Variants in KIF3A observed in about 807,000 individuals in gnomAD.
The protein encoded by KIF3A is kinesin family member 3A.
KIF3A carries 27 observed loss-of-function variants against 92.6 expected under a neutral mutation model. The observed-to-expected ratio is 0.29, with a 90% CI of 0.21 to 0.40. KIF3A has a LOEUF of 0.40. Among genes scored for constraint, KIF3A ranks in the 10% least tolerant of loss-of-function variants. The pLI, the probability that KIF3A is intolerant of heterozygous loss-of-function variation, is 1.00. For synonymous variants in KIF3A, 250 were observed against 275.4 expected, an observed-to-expected ratio of 0.91 and a Z score of 0.92; for missense variants, 581 against 872.6, an observed-to-expected ratio of 0.67 and a Z score of 4.21.
At chr5:132,728,350 G>A (rs1754107560) in intron 2 of KIF3A, among the ~76,000 whole-genome samples, 1 of 152,062 alleles carries the variant, frequency 6.6e-6, no homozygotes, top group Admixed American at 6.6e-5. Context: ...GGGATTACAG[G>A]TGCACCTCCC....
chr5:132,724,807 A>AAAAAAT (rs1554107349), intron 4 of KIF3A, among the ~76,000 whole-genome samples: 2,100 of 29,320 alleles, frequency 0.072, 187 homozygotes, highest in East Asian at 0.24. Context: ...AAAAAAAAAA[A>AAAAAAT]TATATATATA....
In KIF3A at chr5:132,702,512, A is replaced by T. The variant is rs776623960; in HGVS notation, c.1758+46T>A. On this transcript the variant is annotated intron_variant, in intron 14 of 18. Coordinates refer to ENST00000403231, the MANE Select transcript of KIF3A (RefSeq NM_001300791.2). ...ATTCTTAATCAAAGAACTCCCTTTTAAAAAATCCAGAACTGCATTAGTAGG... is the reference window on the plus strand; with the variant it reads ...ATTCTTAATCAAAGAACTCCCTTTTTAAAAATCCAGAACTGCATTAGTAGG... The T allele has an allele frequency of 3.6e-6, 4 of 1,112,730 alleles. No individual in the cohort carries two copies. The African/African-American group carries it at 4.7e-5, about 13-fold the overall frequency. The allele number at this position is 1,112,730 out of a possible 1,614,324, so 68.9% of individuals were successfully genotyped here. A position where few individuals can be genotyped will look rare whatever the true frequency, so the allele number is the denominator to read the frequency against.
intron 11 of KIF3A, among the ~76,000 whole-genome samples, chr5:132,704,567 A>C (rs566069018): frequency 6.6e-6 from 1 of 152,078 alleles, no homozygotes; most frequent in East Asian, 1.9e-4. Flanking sequence ...AGAAAATAAA[A>C]CTAGCTTATT....
chr5:132,725,361 T>C (rs1333706555), intron 4 of KIF3A, among the ~76,000 whole-genome samples: 1 of 152,172 alleles, frequency 6.6e-6, no homozygotes, highest in East Asian at 1.9e-4. Context: ...AAGCTAATAT[T>C]TATTATGTCA....
chr5:132,700,082 A>C, intron 17 of KIF3A, 134 bp downstream of exon 17: 1 of 617,002 alleles, frequency 1.6e-6, no homozygotes, highest in Non-Finnish European at 2.8e-6. Context: ...CTTTATTCCC[A>C]AAAGTATCAG....
At position 132,696,043 on chromosome 5, in the gene KIF3A, C is replaced by T. The variant is rs570965845; in HGVS notation, c.*591G>A. ...CAACTTGTTAAAAAACATGTATACT[C>T]GCAAAGACTGTTAAATTATAACATT... is the stretch of plus-strand genomic sequence containing the variant. On this transcript the variant is annotated 3_prime_UTR_variant, in exon 19 of 19. Transcript: ENST00000403231. 7.9e-5 allele frequency: 12 copies of T among 152,778 alleles called. No homozygotes were observed. Among genetic ancestry groups the T allele is most frequent in the African/African-American group, 2.4e-4 (10 of 41,550 alleles). The allele number at this position is 152,778 out of a possible 1,614,324, so 9.5% of individuals were successfully genotyped here.
intron 2 of KIF3A, among the ~76,000 whole-genome samples, chr5:132,732,829 A>C (rs1232110665): frequency 2.0e-5 from 3 of 152,112 alleles, no homozygotes; most frequent in African/African-American, 7.2e-5. Flanking sequence ...GAATCGCTTG[A>C]ACCCAGGAGG....
chr5:132,716,197 C>T (rs1468504884), intron 7 of KIF3A, 48 bp downstream of exon 7: 2 of 1,421,134 alleles, frequency 1.4e-6, no homozygotes, highest in Admixed American at 3.6e-5. Context: ...GCATAAATTA[C>T]AATCTTAAAT....
At chr5:132,721,450 A>C (rs1753819451) in intron 4 of KIF3A, 1 of 152,192 alleles carries the variant, frequency 6.6e-6, no homozygotes, top group Admixed American at 6.5e-5. Context: ...TAAAAAGTGA[A>C]ACTGAGGCAG....
Position 132,703,011 on chromosome 5 carries a change from A to C in KIF3A, c.1521T>G (p.Ile507Met). ...TGGCCAACAAGTCAACCCCACCAACAATTACCTTCTTTTCCAGGGCAGATA... is the reference window on the plus strand; with the variant it reads ...TGGCCAACAAGTCAACCCCACCAACCATTACCTTCTTTTCCAGGGCAGATA... ...EKLSALEKKV[I>M]VGGVDLLAKA... The change falls in exon 13 of 19, where the codon ATT becomes ATG. Residue 507 changes from isoleucine (I) to methionine (M), a missense_variant. Around this residue, in one of 5 missense-constraint regions of KIF3A, gnomAD observed 167 missense variants for 205.8 expected, o/e 0.81. Coordinates refer to ENST00000403231, the MANE Select transcript of KIF3A (RefSeq NM_001300791.2). 1 of 1,612,410 alleles carries C rather than the reference A, an allele frequency of 6.2e-7. No individual in the cohort carries two copies. Among genetic ancestry groups the C allele is most frequent in the South Asian group, 1.1e-5 (1 of 90,552 alleles).
At position 132,716,285 on chromosome 5, in the gene KIF3A, A is replaced by C. The variant is rs952676667; in HGVS notation, c.914T>G (p.Leu305Arg). Residue 305 changes from leucine (L) to arginine (R), a missense_variant, in exon 7 of 19, where the codon CTT becomes CGT. By Grantham distance (102) the Leu-to-Arg change is moderately radical. Around this residue, in one of 5 missense-constraint regions of KIF3A, gnomAD observed 40 missense variants for 107.0 expected, o/e 0.37. Transcript: ENST00000403231. Reference protein sequence around the residue: ...VPYRNSKLTRLLQDSLGGNSK... With the variant: ...VPYRNSKLTRRLQDSLGGNSK... The stretch of plus-strand genomic sequence containing the variant: ...ATTTCCTCCTAAGGAATCCTGAAGA[A>C]GACGAGTCAGTTTAGAGTTACGATA... 7 of 1,613,966 alleles carry C rather than the reference A, an allele frequency of 4.3e-6. No individual in the cohort carries two copies. The highest frequency in any genetic ancestry group is 5.9e-6 in the Non-Finnish European group (7 of 1,179,944).
chr5:132,733,570 C>T (rs145500422), intron 2 of KIF3A, among the ~76,000 whole-genome samples: 41 of 152,290 alleles, frequency 2.7e-4, no homozygotes, highest in African/African-American at 9.9e-4. Context: ...GAGTTCAAGA[C>T]CTGACTGAGC....
chr5:132,716,705 C>CA, intron 6 of KIF3A, 140 bp downstream of exon 6: 1 of 969,770 alleles, frequency 1.0e-6, no homozygotes. Context: ...TGAAATGTTC[C>CA]ATAATAAATA....
chr5:132,729,665 T>C (rs1754159123), intron 2 of KIF3A, among the ~76,000 whole-genome samples: 3 of 152,094 alleles, frequency 2.0e-5, no homozygotes. Context: ...GATCAAAGAA[T>C]AAATCAGGAG....
intron 2 of KIF3A, among the ~76,000 whole-genome samples, 166 bp from the exon 3 acceptor site, chr5:132,726,664 G>A (rs555343652): frequency 6.6e-6 from 1 of 152,204 alleles, no homozygotes; most frequent in South Asian, 2.1e-4. Flanking sequence ...TGCGTACTCT[G>A]TACCACAAGC....
rs374997234 is a variant in KIF3A at position 132,703,073 on chromosome 5, T to A, written c.1467-8A>T. The A allele has an allele frequency of 3.0e-4, 480 of 1,597,870 alleles. 1 individual carries two copies. Among genetic ancestry groups the A allele is most frequent in the Non-Finnish European group, 3.9e-4 (457 of 1,173,470 alleles). On this transcript the variant is annotated splice_polypyrimidine_tract_variant and splice_region_variant and intron_variant, in intron 12 of 18. Coordinates refer to ENST00000403231, the MANE Select transcript of KIF3A (RefSeq NM_001300791.2). ...AAAGACTGATGCTCTTGTCTGTTGA[T>A]TAGAATGAGAATACTCTATATTCAC...
chr5:132,700,165 G>T (rs1752982672), intron 17 of KIF3A, 51 bp downstream of exon 17: 1 of 993,952 alleles, frequency 1.0e-6, no homozygotes, highest in South Asian at 1.4e-5. Flanking sequence ...TTCCTATAAA[G>T]AAACAACAGT....
At chr5:132,716,811 A>C in intron 6 of KIF3A, 34 bp downstream of exon 6, 2 of 1,596,206 alleles carry the variant, frequency 1.3e-6, no homozygotes, top group Non-Finnish European at 8.5e-7. Context: ...ATCACAAGAA[A>C]GAGTTATTCC....
chr5:132,706,997 C>A (rs1753234250), intron 10 of KIF3A, among the ~76,000 whole-genome samples: 1 of 152,078 alleles, frequency 6.6e-6, no homozygotes, highest in African/African-American at 2.4e-5. Context: ...AACACAAAAA[C>A]CTGAACCAAT....
Sources: gnomAD v4.1 joint callset for allele counts (sites outside exome capture counted in the v4.1 genomes callset) on GRCh38, gnomAD v4.1.1 for gene constraint, gnomAD v4.1.1 regional missense constraint, MANE v1.5 for transcripts, NCBI Gene and HGNC (gene_info 2026-07-23, HGNC 2026-07-21) for gene names.